Variants in PCDHA10 observed in about 807,000 individuals in gnomAD.
PCDHA10 encodes the protein protocadherin alpha-10.
PCDHA10 carries 45 observed loss-of-function variants against 61.2 expected under a neutral mutation model. The observed-to-expected ratio is 0.74, with a 90% CI of 0.58 to 0.94. The LOEUF is 0.94. Among genes scored for constraint, PCDHA10 ranks in the 40% least tolerant of loss-of-function variants. The pLI is 0.00. For missense variants in PCDHA10, 1,278 were observed against 1,236.2 expected, an observed-to-expected ratio of 1.03 and a Z score of -0.51; for synonymous variants, 602 against 548.8, an observed-to-expected ratio of 1.10 and a Z score of -1.35.
intron 3 of PCDHA10, among the ~76,000 whole-genome samples, chr5:141,005,129 C>T (rs1554259896): frequency 6.6e-6 from 1 of 152,180 alleles, no homozygotes; most frequent in African/African-American, 2.4e-5. Context: ...CCAAAAGTGC[C>T]TCATTGGAGA....
chr5:140,978,653 G>A (rs527551897), intron 1 of PCDHA10, among the ~76,000 whole-genome samples: 25 of 152,314 alleles, frequency 1.6e-4, no homozygotes, highest in African/African-American at 5.5e-4. Flanking sequence ...TGTTCTTCCC[G>A]TAGTGTTTTA....
chr5:140,959,057 G>A (rs1437392976), intron 1 of PCDHA10, among the ~76,000 whole-genome samples: 1 of 152,092 alleles, frequency 6.6e-6, no homozygotes, highest in Non-Finnish European at 1.5e-5. Context: ...AAAAAATGCA[G>A]TATATATAGA....
chr5:140,936,798 T>C (rs2091152803), intron 1 of PCDHA10, among the ~76,000 whole-genome samples: 1 of 152,240 alleles, frequency 6.6e-6, no homozygotes, highest in Admixed American at 6.5e-5. Context: ...TGCTTCAAGA[T>C]TAACTTAGCT....
chr5:140,910,924 A>G (rs568597600), intron 1 of PCDHA10, among the ~76,000 whole-genome samples: 2 of 152,260 alleles, frequency 1.3e-5, no homozygotes, highest in South Asian at 4.1e-4. Flanking sequence ...GCTTATATAA[A>G]TAAGAAAGCT....
intron 1 of PCDHA10, chr5:140,877,040 T>C (rs1252847205): frequency 5.0e-6 from 8 of 1,612,450 alleles, no homozygotes; most frequent in Non-Finnish European, 5.1e-6. Context: ...CTGCAGCCGC[T>C]AGACCACGAG....
chr5:141,004,697 T>A (rs2098177211), intron 3 of PCDHA10, among the ~76,000 whole-genome samples: 3 of 152,184 alleles, frequency 2.0e-5, no homozygotes, highest in Admixed American at 2.0e-4. Flanking sequence ...AAACCCAGTT[T>A]TAGGTGCCGA....
intron 3 of PCDHA10, among the ~76,000 whole-genome samples, chr5:140,999,809 CAA>C (rs1350603380): frequency 1.3e-5 from 2 of 152,160 alleles, no homozygotes; most frequent in African/African-American, 2.4e-5. Flanking sequence ...GGGCACAAAG[CAA>C]GAGCTGTGGC....
At chr5:140,892,350 T>C (rs1195187313) in intron 1 of PCDHA10, among the ~76,000 whole-genome samples, 1 of 152,262 alleles carries the variant, frequency 6.6e-6, no homozygotes, top group Non-Finnish European at 1.5e-5. Context: ...AATTGACTTT[T>C]GCCAGGCATC....
rs781892888 is a variant in PCDHA10, at chr5:140,967,565, C to T, written c.2389-11384C>T. Reference sequence around the variant, plus strand: ...CCAGTCCACTTATCGCGTCCAGCTACGGGAGGACTCACCCCCAGGCACATT... The same window carrying T: ...CCAGTCCACTTATCGCGTCCAGCTATGGGAGGACTCACCCCCAGGCACATT... On this transcript the variant is annotated intron_variant, in intron 1 of 3. Transcript: ENST00000307360. The T allele has an allele frequency of 3.1e-6, 5 of 1,614,080 alleles. No individual in the cohort carries two copies. The highest frequency in any genetic ancestry group is 2.7e-5 in the African/African-American group (2 of 75,044).
intron 3 of PCDHA10, among the ~76,000 whole-genome samples, chr5:140,991,251 A>G (rs2097441392): frequency 6.6e-6 from 1 of 152,306 alleles, no homozygotes; most frequent in South Asian, 2.1e-4. Context: ...GCAGTATTTG[A>G]ACTCATGTCT....
At chr5:140,888,610 A>G (rs1180344966) in intron 1 of PCDHA10, among the ~76,000 whole-genome samples, 1 of 152,210 alleles carries the variant, frequency 6.6e-6, no homozygotes, top group African/African-American at 2.4e-5. Context: ...CTTTTAGTGT[A>G]GCACTAATTC....
chr5:140,910,381 TG>T (rs2075003327), intron 1 of PCDHA10, among the ~76,000 whole-genome samples: 1 of 152,188 alleles, frequency 6.6e-6, no homozygotes, highest in Admixed American at 6.5e-5. Context: ...ACCTTGCCTT[TG>T]ACAGTTGACT....
chr5:140,916,831 G>A (rs1038292722), intron 1 of PCDHA10, among the ~76,000 whole-genome samples: 22 of 152,082 alleles, frequency 1.4e-4, no homozygotes, highest in Non-Finnish European at 2.9e-4. Context: ...CTATCCCTCT[G>A]GTTCTGAGCC....
At chr5:140,997,697 T>C (rs2153948518) in intron 3 of PCDHA10, among the ~76,000 whole-genome samples, 1 of 151,394 alleles carries the variant, frequency 6.6e-6, no homozygotes. Flanking sequence ...TGTGTGTGTG[T>C]ATGTTAACAA....
chr5:140,875,751 G>A lies in PCDHA10; in HGVS notation c.2388+17315G>A, dbSNP rs781862261. On this transcript the variant is annotated intron_variant, in intron 1 of 3. Transcript: ENST00000307360. ...TTGTGAATTCTCGGATCGACCGCGA[G>A]AAGCTGTGCGGGCGGAGCGCGGAGT... 1.9e-6 allele frequency: 3 copies of A among 1,614,278 alleles called. No individual in the cohort carries two copies. In the South Asian group the frequency reaches 3.3e-5, roughly 18 times the overall value.
intron 3 of PCDHA10, among the ~76,000 whole-genome samples, chr5:141,001,711 A>G (rs1167965864): frequency 1.3e-5 from 2 of 152,222 alleles, no homozygotes; most frequent in South Asian, 2.1e-4. Context: ...GGGGGCGGGG[A>G]AGGAGCTTGA....
At chr5:140,904,143 T>C (rs1370565805) in intron 1 of PCDHA10, among the ~76,000 whole-genome samples, 1 of 152,136 alleles carries the variant, frequency 6.6e-6, no homozygotes, top group Non-Finnish European at 1.5e-5. Context: ...CCGAGCAGTA[T>C]ACATTGCACC....
At chr5:140,927,782 C>T (rs550993125) in intron 1 of PCDHA10, 50 of 1,614,098 alleles carry the variant, frequency 3.1e-5, no homozygotes, top group South Asian at 2.2e-4. Context: ...CAAGTAGCTG[C>T]TTCACTAGGT....
At chr5:140,919,716 A>G (rs1166757941) in intron 1 of PCDHA10, among the ~76,000 whole-genome samples, 1 of 152,214 alleles carries the variant, frequency 6.6e-6, no homozygotes, top group East Asian at 1.9e-4. Flanking sequence ...CTAGTGAGAT[A>G]TAAATATGTT....
Sources: gnomAD v4.1 joint callset for allele counts (sites outside exome capture counted in the v4.1 genomes callset) on GRCh38, gnomAD v4.1.1 for gene constraint, MANE v1.5 for transcripts, NCBI Gene and HGNC (gene_info 2026-07-23, HGNC 2026-07-21) for gene names.